The following THRB variants were observed in gnomAD, a reference collection of about 807,000 sequenced individuals.
THRB encodes the protein thyroid hormone receptor beta, also known as nuclear receptor subfamily 1 group A member 2.
A neutral mutation model predicts 47.8 loss-of-function variants in THRB; 12 were observed. That is an observed-to-expected ratio of 0.25 (90% CI 0.16 to 0.41). The LOEUF (loss-of-function observed/expected upper bound fraction) is 0.41. THRB is among the 10% of genes least tolerant of loss of function. The probability of loss-of-function intolerance (pLI) is 1.00; values close to 1 mark genes in which losing one functional copy is unlikely to be tolerated. For synonymous variants in THRB, 218 were observed against 212.2 expected, an observed-to-expected ratio of 1.03 and a Z score of -0.24; for missense variants, 348 against 589.2, an observed-to-expected ratio of 0.59 and a Z score of 4.24.
At chr3:24,287,130 G>A (rs2055389572) in intron 3 of THRB, among the ~76,000 whole-genome samples, 1 of 152,128 alleles carries the variant, frequency 6.6e-6, no homozygotes, top group African/African-American at 2.4e-5. Flanking sequence ...CCAATGCAGT[G>A]GGTTCTACAT....
At chr3:24,443,390 A>T (rs1577606591) in intron 1 of THRB, among the ~76,000 whole-genome samples, 1 of 152,208 alleles carries the variant, frequency 6.6e-6, no homozygotes, top group African/African-American at 2.4e-5. Flanking sequence ...AGAATTTCAG[A>T]GAAAAAAAAA....
At chr3:24,251,200 T>C (rs915545278) in intron 3 of THRB, among the ~76,000 whole-genome samples, 2 of 152,138 alleles carry the variant, frequency 1.3e-5, no homozygotes, top group Non-Finnish European at 2.9e-5. Flanking sequence ...AGACCCTCAA[T>C]GCTGTACTTA....
At chr3:24,401,000 G>GC (rs767826972) in intron 1 of THRB, among the ~76,000 whole-genome samples, 3 of 151,978 alleles carry the variant, frequency 2.0e-5, no homozygotes, top group Non-Finnish European at 4.4e-5. Context: ...TGAAAATGGT[G>GC]CAGAGACATG....
At chr3:24,177,474 TC>T (rs1450012224) in intron 5 of THRB, among the ~76,000 whole-genome samples, 5 of 151,974 alleles carry the variant, frequency 3.3e-5, no homozygotes, top group Admixed American at 6.5e-5. Flanking sequence ...TAAAACATTG[TC>T]AGTATAAATT....
At chr3:24,235,718 A>G (rs561500856) in intron 3 of THRB, among the ~76,000 whole-genome samples, 2 of 152,240 alleles carry the variant, frequency 1.3e-5, no homozygotes, top group African/African-American at 4.8e-5. Context: ...CAAGACCATT[A>G]AAACTGGGAA....
At chr3:24,253,352 G>A (rs1175750515) in intron 3 of THRB, among the ~76,000 whole-genome samples, 2 of 152,258 alleles carry the variant, frequency 1.3e-5, no homozygotes, top group Admixed American at 6.5e-5. Flanking sequence ...TAGGCATCAA[G>A]TGCCAGCCAT....
At chr3:24,392,802 G>A (rs954774476) in intron 1 of THRB, among the ~76,000 whole-genome samples, 2 of 151,996 alleles carry the variant, frequency 1.3e-5, no homozygotes, top group East Asian at 1.9e-4. Flanking sequence ...ATTCCTGAAA[G>A]GATTTTCATA....
intron 5 of THRB, among the ~76,000 whole-genome samples, chr3:24,180,764 C>T (rs1426971401): frequency 6.6e-6 from 1 of 152,170 alleles, no homozygotes; most frequent in African/African-American, 2.4e-5. Flanking sequence ...GAGAGATAAA[C>T]CAGCCCTATG....
At position 24,358,623 on chromosome 3, in the gene THRB, C is replaced by T. The variant is rs138986773; in HGVS notation, c.-260-21252G>A. On this transcript the variant is annotated intron_variant, in intron 1 of 10. Transcript: ENST00000646209. ...TTTCCAGTCCCTATTATATTTTGTT[C>T]ATTTGTCTGCCTACTTCTGTGTTGG... Among the ~76,000 whole-genome samples the T allele has an allele frequency of 6.4e-4, 97 of 152,138 alleles. 2 individuals are homozygous for T. Among genetic ancestry groups the T allele is most frequent in the African/African-American group, 2.1e-3 (89 of 41,516 alleles).
rs565289959 is a variant in THRB, at chr3:24,224,488, G to A, written c.22+4450C>T. ...TTGAAACCATGGAAAGCCATTCTAC[G>A]TAGGTTGTAGGACATATGCACCACC... On this transcript the variant is annotated intron_variant, in intron 4 of 10. Coordinates refer to ENST00000646209, the MANE Select transcript of THRB (RefSeq NM_001354712.2). 5.9e-5 allele frequency among the ~76,000 whole-genome samples: 9 copies of A among 152,142 alleles called. No individual in the cohort carries two copies. In the South Asian group the frequency reaches 8.3e-4, roughly 14 times the overall value.
At chr3:24,465,076 C>T (rs963304088) in intron 1 of THRB, among the ~76,000 whole-genome samples, 1 of 151,634 alleles carries the variant, frequency 6.6e-6, no homozygotes, top group African/African-American at 2.4e-5. Context: ...TGGTTCAATT[C>T]TCTTCTCATT....
intron 5 of THRB, among the ~76,000 whole-genome samples, chr3:24,154,902 C>T (rs535946849): frequency 1.3e-5 from 2 of 152,346 alleles, no homozygotes; most frequent in African/African-American, 4.8e-5. Context: ...TCTGTCTAAT[C>T]TCAGGTATGA....
chr3:24,459,734 A>ATG, intron 1 of THRB, among the ~76,000 whole-genome samples: 1 of 151,954 alleles, frequency 6.6e-6, no homozygotes, highest in Admixed American at 6.6e-5. Flanking sequence ...GCTTTTTTTC[A>ATG]TGTTTGTTGG....
intron 5 of THRB, among the ~76,000 whole-genome samples, chr3:24,160,784 C>T (rs776923571): frequency 4.6e-5 from 7 of 152,136 alleles, no homozygotes; most frequent in Non-Finnish European, 8.8e-5. Flanking sequence ...AAGTGTTGTG[C>T]TTGACTATGA....
intron 1 of THRB, among the ~76,000 whole-genome samples, chr3:24,475,088 C>T (rs1695251166): frequency 6.6e-6 from 1 of 152,124 alleles, no homozygotes; most frequent in Non-Finnish European, 1.5e-5. Flanking sequence ...TCTTCATGTT[C>T]TAATTAGTCT....
chr3:24,184,774 A>T (rs2042360492), intron 5 of THRB, among the ~76,000 whole-genome samples: 1 of 152,142 alleles, frequency 6.6e-6, no homozygotes, highest in Non-Finnish European at 1.5e-5. Flanking sequence ...CTGATGTATG[A>T]TGAGTGGGGC....
intron 8 of THRB, among the ~76,000 whole-genome samples, chr3:24,136,140 G>T (rs1398721481): frequency 6.6e-6 from 1 of 151,896 alleles, no homozygotes; most frequent in Non-Finnish European, 1.5e-5. Flanking sequence ...AGGAGAGAAA[G>T]TATGCAAGGA....
chr3:24,266,874 G>C (rs1282515992), intron 3 of THRB, among the ~76,000 whole-genome samples: 1 of 151,972 alleles, frequency 6.6e-6, no homozygotes, highest in African/African-American at 2.4e-5. Flanking sequence ...ATGGATGGAG[G>C]AAAGAGAGGA....
At chr3:24,211,197 CAA>C (rs370498415) in intron 4 of THRB, among the ~76,000 whole-genome samples, 29 of 99,976 alleles carry the variant, frequency 2.9e-4, no homozygotes, top group Admixed American at 5.7e-4. Flanking sequence ...GACTCCATCT[CAA>C]AAAAAAAAAA....
Sources: gnomAD v4.1 joint callset for allele counts (sites outside exome capture counted in the v4.1 genomes callset) on GRCh38, gnomAD v4.1.1 for gene constraint, MANE v1.5 for transcripts, NCBI Gene and HGNC (gene_info 2026-07-23, HGNC 2026-07-21) for gene names.